The following ROR1 variants were observed in gnomAD, a reference collection of about 807,000 sequenced individuals.
ROR1 encodes the protein ROR family WNT receptor 1, also known as inactive tyrosine-protein kinase transmembrane receptor ROR1.
In ROR1, 19 loss-of-function variants were observed where a neutral mutation model predicts 78.8. The observed-to-expected ratio is 0.24, with a 90% CI of 0.17 to 0.35. The LOEUF is 0.35. ROR1 is among the 10% of genes least tolerant of loss of function. The probability of loss-of-function intolerance (pLI) is 1.00; values close to 1 mark genes in which losing one functional copy is unlikely to be tolerated. For missense variants in ROR1, 917 were observed against 1,177.8 expected (o/e 0.78, Z 3.24); for synonymous variants, 386 against 433.6 (o/e 0.89, Z 1.36).
intron 4 of ROR1, among the ~76,000 whole-genome samples, chr1:64,051,952 G>A (rs534386318): frequency 2.6e-5 from 4 of 152,334 alleles, no homozygotes; most frequent in African/African-American, 9.6e-5. Context: ...TGTGCCTGGA[G>A]GCCCAGTGGC....
intron 2 of ROR1, among the ~76,000 whole-genome samples, chr1:64,011,309 A>G (rs931147472): frequency 2.0e-5 from 3 of 152,240 alleles, no homozygotes; most frequent in Non-Finnish European, 4.4e-5. Flanking sequence ...AATATGTTTA[A>G]TGGAAAAGAA....
At chr1:63,823,719 T>C (rs946853789) in intron 1 of ROR1, among the ~76,000 whole-genome samples, 1 of 152,014 alleles carries the variant, frequency 6.6e-6, no homozygotes, top group African/African-American at 2.4e-5. Flanking sequence ...TCCCAAAGTG[T>C]TGGAATTACA....
chr1:63,928,289 T>C (rs1038409949), intron 1 of ROR1, among the ~76,000 whole-genome samples: 1 of 152,124 alleles, frequency 6.6e-6, no homozygotes, highest in Non-Finnish European at 1.5e-5. Context: ...CTTCTCCAAG[T>C]AACATTTGCA....
intron 1 of ROR1, among the ~76,000 whole-genome samples, chr1:63,815,473 C>CTTTTTTTTTTTTTTTTTTTTTTTTTT (rs1557510128): frequency 1.0e-5 from 1 of 96,170 alleles, no homozygotes; most frequent in African/African-American, 7.6e-5. Flanking sequence ...CTTTTCTTTT[C>CTTTTTTTTTTTTTTTTTTTTTTTTTT]TTTTCTTTTT....
chr1:64,148,267 G>A (rs1649530678), intron 7 of ROR1, among the ~76,000 whole-genome samples: 1 of 152,142 alleles, frequency 6.6e-6, no homozygotes, highest in South Asian at 2.1e-4. Flanking sequence ...TTAATAAGAA[G>A]TGGACCCAGG....
At chr1:63,941,064 A>G (rs775484327) in intron 1 of ROR1, among the ~76,000 whole-genome samples, 2 of 152,194 alleles carry the variant, frequency 1.3e-5, no homozygotes, top group Non-Finnish European at 2.9e-5. Context: ...GCAAAGGCTG[A>G]GGAACTGTTC....
intron 1 of ROR1, among the ~76,000 whole-genome samples, chr1:63,863,277 G>A (rs1053148431): frequency 6.6e-6 from 1 of 152,176 alleles, no homozygotes; most frequent in East Asian, 1.9e-4. Flanking sequence ...GTGTCTAGGC[G>A]TGCTGAGCTG....
At chr1:63,914,853 A>G (rs1411614562) in intron 1 of ROR1, among the ~76,000 whole-genome samples, 1 of 152,088 alleles carries the variant, frequency 6.6e-6, no homozygotes, top group Non-Finnish European at 1.5e-5. Context: ...TGTTGCTTCC[A>G]TGCACCTTGG....
chr1:63,932,479 C>G (rs1202608541), intron 1 of ROR1, among the ~76,000 whole-genome samples: 1 of 152,120 alleles, frequency 6.6e-6, no homozygotes, highest in Non-Finnish European at 1.5e-5. Flanking sequence ...GAAGTGAGGC[C>G]TACCAATGAG....
chr1:64,023,317 A>T (rs749362329), intron 2 of ROR1, among the ~76,000 whole-genome samples: 1 of 152,086 alleles, frequency 6.6e-6, no homozygotes, highest in Non-Finnish European at 1.5e-5. Flanking sequence ...TCCTACTGAG[A>T]GAGGAATTTG....
At chr1:63,796,831 G>C (rs970623979) in intron 1 of ROR1, among the ~76,000 whole-genome samples, 2 of 152,314 alleles carry the variant, frequency 1.3e-5, no homozygotes, top group Middle Eastern at 3.4e-3. Flanking sequence ...ACCGAGCCCT[G>C]AGCTGGCAGG....
At chr1:63,920,912 A>T (rs931178284) in intron 1 of ROR1, among the ~76,000 whole-genome samples, 1 of 152,210 alleles carries the variant, frequency 6.6e-6, no homozygotes, top group Non-Finnish European at 1.5e-5. Flanking sequence ...AGAATGTTGG[A>T]CACTTGTTGG....
chr1:64,066,913 TGTA>T (rs1198821635), intron 4 of ROR1, among the ~76,000 whole-genome samples: 2 of 152,200 alleles, frequency 1.3e-5, no homozygotes, highest in Non-Finnish European at 2.9e-5. Context: ...AGGTATACAA[TGTA>T]GTATTTTGAT....
intron 2 of ROR1, among the ~76,000 whole-genome samples, chr1:64,034,324 C>A (rs895990633): frequency 6.6e-6 from 1 of 152,094 alleles, no homozygotes; most frequent in South Asian, 2.1e-4. Flanking sequence ...ATTTTTTTAG[C>A]CACAGTACAT....
chr1:63,984,946 T>C (rs1646239095), intron 1 of ROR1, among the ~76,000 whole-genome samples: 1 of 152,224 alleles, frequency 6.6e-6, no homozygotes, highest in Non-Finnish European at 1.5e-5. Context: ...TCTTTCCTAA[T>C]GGATTACCCA....
chr1:63,973,167 C>T (rs1646131912), intron 1 of ROR1, among the ~76,000 whole-genome samples: 1 of 152,226 alleles, frequency 6.6e-6, no homozygotes, highest in African/African-American at 2.4e-5. Context: ...CGTTCTTTCC[C>T]TGCTGTCAGG....
rs1215770169 is a variant in ROR1 at position 64,079,176 on chromosome 1, T to C, written c.482+28460T>C. The stretch of plus-strand genomic sequence containing the variant: ...GGTCATTCCTAGGAGACAGATTCTC[T>C]ACCCCCAAACATTAAACATTAAAAC... On this transcript the variant is annotated intron_variant, in intron 4 of 8. Transcript: ENST00000371079. 3.3e-5 allele frequency among the ~76,000 whole-genome samples: 5 copies of C among 152,174 alleles called. No homozygotes were observed. In the East Asian group the frequency reaches 9.6e-4, roughly 29 times the overall value.
In ROR1 at chr1:64,085,484, C is replaced by T. The variant is rs544737016; in HGVS notation, c.482+34768C>T. 1.8e-4 allele frequency among the ~76,000 whole-genome samples: 28 copies of T among 152,276 alleles called. 1 individual carries two copies. The South Asian group carries it at 5.2e-3, about 28-fold the overall frequency. ...CATTACAGAGTGTTGCCCAGCTTTC[C>T]ATATTCCCAACATGGCCAGAGGTTT... On this transcript the variant is annotated intron_variant, in intron 4 of 8. Transcript: ENST00000371079.
At chr1:63,852,788 G>A (rs1354223479) in intron 1 of ROR1, among the ~76,000 whole-genome samples, 1 of 152,146 alleles carries the variant, frequency 6.6e-6, no homozygotes, top group African/African-American at 2.4e-5. Context: ...CTTACCACAT[G>A]TATTAACCAT....
Sources: allele counts gnomAD v4.1 joint callset (sites outside exome capture counted in the v4.1 genomes callset), GRCh38; gene constraint gnomAD v4.1.1; transcripts MANE v1.5; gene names NCBI Gene and HGNC (gene_info 2026-07-23, HGNC 2026-07-21).